The following CDKAL1 variants were observed in gnomAD, a reference collection of about 807,000 sequenced individuals.
CDKAL1 encodes CDKAL1 threonylcarbamoyladenosine tRNA methylthiotransferase, also known as threonylcarbamoyladenosine tRNA methylthiotransferase.
CDKAL1 carries 32 observed loss-of-function variants against 68.2 expected under a neutral mutation model. The ratio of observed to expected loss-of-function variants is 0.47; its 90% CI spans 0.35 to 0.63. The LOEUF (loss-of-function observed/expected upper bound fraction) is 0.63, where lower values mean the gene tolerates loss of function less well. CDKAL1 is among the 30% of genes least tolerant of loss of function. The pLI, the probability that CDKAL1 is intolerant of heterozygous loss-of-function variation, is 0.00. For missense variants in CDKAL1, 606 were observed against 696.7 expected (o/e 0.87, Z 1.47); for synonymous variants, 234 against 244.3 (o/e 0.96, Z 0.39).
At chr6:20,596,008 C>T (rs950903321) in intron 4 of CDKAL1, among the ~76,000 whole-genome samples, 2 of 152,154 alleles carry the variant, frequency 1.3e-5, no homozygotes, top group Non-Finnish European at 1.5e-5. Context: ...CAGAGGCTGC[C>T]GAACAGCAAA....
intron 4 of CDKAL1, among the ~76,000 whole-genome samples, chr6:20,581,519 C>T (rs1765143611): frequency 6.6e-6 from 1 of 152,044 alleles, no homozygotes; most frequent in Non-Finnish European, 1.5e-5. Context: ...ATTTTATATG[C>T]TATATTAAAT....
At position 20,734,149 on chromosome 6, in the gene CDKAL1, G is replaced by GAA. The variant is rs869188862; in HGVS notation, c.372-5355_372-5354dup. The stretch of plus-strand genomic sequence containing the variant: ...GGGCATCAGAGCGAGACTCTGTCTT[G>GAA]AAAAAAAAAAAAAAAAGAAAGAAAG... On this transcript the variant is annotated intron_variant, in intron 5 of 15. Transcript: ENST00000274695. Among the ~76,000 whole-genome samples the GAA allele has an allele frequency of 1.8e-4, 19 of 106,236 alleles. No individual in the cohort carries two copies. In the East Asian group the frequency reaches 4.2e-3, roughly 23 times the overall value. The allele number at this position is 106,236 out of a possible 152,430, so 69.7% of individuals were successfully genotyped here.
At chr6:21,036,518 A>AGGACGT (rs1769606944) in intron 11 of CDKAL1, among the ~76,000 whole-genome samples, 1 of 152,222 alleles carries the variant, frequency 6.6e-6, no homozygotes, top group Non-Finnish European at 1.5e-5. Context: ...TACTGGCTCA[A>AGGACGT]GGACGTATGA....
At chr6:20,929,091 C>A (rs566600636) in intron 9 of CDKAL1, among the ~76,000 whole-genome samples, 42 of 152,274 alleles carry the variant, frequency 2.8e-4, no homozygotes, top group Admixed American at 1.6e-3. Context: ...GGAAGTGTAG[C>A]CTTTCCTTCT....
intron 10 of CDKAL1, among the ~76,000 whole-genome samples, chr6:20,981,399 C>T (rs1449826941): frequency 6.6e-6 from 1 of 152,120 alleles, no homozygotes; most frequent in Non-Finnish European, 1.5e-5. Flanking sequence ...ATCTGGAATG[C>T]GTTCTTGCAC....
intron 12 of CDKAL1, among the ~76,000 whole-genome samples, chr6:21,079,844 A>T (rs1294999540): frequency 1.3e-5 from 2 of 151,692 alleles, no homozygotes; most frequent in African/African-American, 4.8e-5. Context: ...CTTTTCCCCT[A>T]CTTGATTTTA....
At chr6:21,067,997 T>G (rs935908219) in intron 12 of CDKAL1, among the ~76,000 whole-genome samples, 1 of 152,194 alleles carries the variant, frequency 6.6e-6, no homozygotes, top group Non-Finnish European at 1.5e-5. Flanking sequence ...TATTTGGGTG[T>G]CTTTCTTCAT....
intron 9 of CDKAL1, 69 bp downstream of exon 9, chr6:20,846,247 C>T: frequency 1.1e-6 from 1 of 936,942 alleles, no homozygotes; most frequent in Non-Finnish European, 1.6e-6. Flanking sequence ...CTAAGTAATA[C>T]TTCAGTTTAG....
chr6:20,846,053 T>C (rs1178503909), intron 8 of CDKAL1, 22 bp from the exon 9 acceptor site: 48 of 1,498,514 alleles, frequency 3.2e-5, no homozygotes, highest in Non-Finnish European at 4.4e-5. Context: ...TTGAGTCTTA[T>C]TTATTGTTAT....
At chr6:21,139,138 CCTTT>C (rs926335968) in intron 13 of CDKAL1, among the ~76,000 whole-genome samples, 2 of 152,190 alleles carry the variant, frequency 1.3e-5, no homozygotes, top group Admixed American at 1.3e-4. Flanking sequence ...TGTTAGTGAA[CCTTT>C]CTGTTTTCCA....
intron 13 of CDKAL1, among the ~76,000 whole-genome samples, chr6:21,144,767 C>T (rs1412484109): frequency 1.3e-5 from 2 of 152,004 alleles, no homozygotes; most frequent in Non-Finnish European, 2.9e-5. Flanking sequence ...TATGCCTTTG[C>T]ACTCCAGCCT....
intron 5 of CDKAL1, among the ~76,000 whole-genome samples, chr6:20,706,449 C>G (rs1562040704): frequency 6.6e-6 from 1 of 152,204 alleles, no homozygotes. Context: ...TCCACCCTTA[C>G]ATTTTGAGTA....
intron 13 of CDKAL1, among the ~76,000 whole-genome samples, chr6:21,108,781 C>T (rs1773978911): frequency 6.6e-6 from 1 of 152,060 alleles, no homozygotes; most frequent in East Asian, 1.9e-4. Context: ...ACTGGAGGAA[C>T]TTGGGTTTTG....
In CDKAL1 at chr6:21,003,343, A is replaced by AATATATATATATATACATAT. The variant is rs1554159045; in HGVS notation, c.1055+2986_1055+2987insCATATATATATATATATATA. Among the ~76,000 whole-genome samples the AATATATATATATATACATAT allele has an allele frequency of 4.9e-5, 2 of 40,450 alleles. 1 individual carries two copies. Among genetic ancestry groups the AATATATATATATATACATAT allele is most frequent in the African/African-American group, 1.8e-4 (2 of 11,280 alleles). 26.5% of individuals were successfully genotyped at this position (40,450 alleles called of 152,430 possible). ...CAACATGGTGAAACCATCTCTACTA[A>AATATATATATATATACATAT]ATATATATATATATATATATATATA... On this transcript the variant is annotated intron_variant, in intron 11 of 15. Coordinates refer to ENST00000274695, the MANE Select transcript of CDKAL1 (RefSeq NM_017774.3).
At chr6:20,749,617 G>A (rs1282660165) in intron 6 of CDKAL1, among the ~76,000 whole-genome samples, 1 of 150,750 alleles carries the variant, frequency 6.6e-6, no homozygotes, top group Non-Finnish European at 1.5e-5. Context: ...GCACGATCTC[G>A]GCTCACTGCA....
chr6:20,927,968 A>C (rs1435948553), intron 9 of CDKAL1, among the ~76,000 whole-genome samples: 2 of 152,150 alleles, frequency 1.3e-5, no homozygotes, highest in East Asian at 1.9e-4. Flanking sequence ...AAACAGTCTT[A>C]CTCTGTTTTT....
At chr6:20,535,662 T>G (rs1257076738) in intron 2 of CDKAL1, among the ~76,000 whole-genome samples, 3 of 152,180 alleles carry the variant, frequency 2.0e-5, no homozygotes, top group African/African-American at 7.2e-5. Flanking sequence ...CCTTGTCTGG[T>G]GGCTGCTTCT....
At chr6:21,139,694 G>A (rs1775805589) in intron 13 of CDKAL1, among the ~76,000 whole-genome samples, 1 of 152,062 alleles carries the variant, frequency 6.6e-6, no homozygotes, top group Admixed American at 6.6e-5. Context: ...TTTTTGTAGA[G>A]ATGGGGTCTC....
At chr6:20,827,133 A>G (rs1253372797) in intron 8 of CDKAL1, among the ~76,000 whole-genome samples, 1 of 152,164 alleles carries the variant, frequency 6.6e-6, no homozygotes, top group Non-Finnish European at 1.5e-5. Flanking sequence ...ATATGTTATG[A>G]CAGGTGGTAT....
Sources: gnomAD v4.1 joint callset for allele counts (sites outside exome capture counted in the v4.1 genomes callset) on GRCh38, gnomAD v4.1.1 for gene constraint, MANE v1.5 for transcripts, NCBI Gene and HGNC (gene_info 2026-07-23, HGNC 2026-07-21) for gene names.